Variants in AFF3 observed in about 807,000 individuals in gnomAD.
The protein encoded by AFF3 is AF4/FMR2 family member 3.
AFF3 carries 32 observed loss-of-function variants against 129.7 expected under a neutral mutation model. That is an observed-to-expected ratio of 0.25 (90% CI 0.19 to 0.33). The LOEUF (loss-of-function observed/expected upper bound fraction) is 0.33, where lower values mean the gene tolerates loss of function less well. Among genes scored for constraint, AFF3 ranks in the 10% least tolerant of loss-of-function variants. The pLI, the probability that AFF3 is intolerant of heterozygous loss-of-function variation, is 1.00. For synonymous variants in AFF3, 644 were observed against 635.4 expected, an observed-to-expected ratio of 1.01 and a Z score of -0.20; for missense variants, 1,373 against 1,592.0, an observed-to-expected ratio of 0.86 and a Z score of 2.34.
At chr2:99,609,186 T>C (rs1680672756) in intron 13 of AFF3, among the ~76,000 whole-genome samples, 1 of 152,198 alleles carries the variant, frequency 6.6e-6, no homozygotes, top group Non-Finnish European at 1.5e-5. Context: ...CCATTTTGTA[T>C]TTTTTTCTTT....
chr2:99,944,490 C>T (rs951650232), intron 7 of AFF3, among the ~76,000 whole-genome samples: 1 of 152,180 alleles, frequency 6.6e-6, no homozygotes, highest in African/African-American at 2.4e-5. Flanking sequence ...AGAGGTTGGT[C>T]AATGCTTCCC....
At chr2:100,003,918 T>C (rs1681693820) in intron 7 of AFF3, among the ~76,000 whole-genome samples, 1 of 152,128 alleles carries the variant, frequency 6.6e-6, no homozygotes, top group Non-Finnish European at 1.5e-5. Flanking sequence ...AAAAGCTATG[T>C]GCTGCAGTCT....
intron 7 of AFF3, among the ~76,000 whole-genome samples, chr2:99,865,534 T>C (rs1163965790): frequency 1.5e-4 from 23 of 152,034 alleles, no homozygotes; most frequent in South Asian, 4.1e-4. Flanking sequence ...TGAAATGTAA[T>C]AGAGATAAAT....
At chr2:99,592,376 CA>C (rs1678770711) in intron 15 of AFF3, among the ~76,000 whole-genome samples, 1 of 152,176 alleles carries the variant, frequency 6.6e-6, no homozygotes, top group African/African-American at 2.4e-5. Context: ...ACAGAAGCAA[CA>C]GCTGCTGGTT....
intron 7 of AFF3, among the ~76,000 whole-genome samples, chr2:99,866,720 T>C (rs1450402523): frequency 6.6e-6 from 1 of 152,092 alleles, no homozygotes; most frequent in African/African-American, 2.4e-5. Flanking sequence ...CTCACGCTTG[T>C]AATTCCAGCA....
chr2:99,897,589 G>A (rs1275697591), intron 7 of AFF3, among the ~76,000 whole-genome samples: 3 of 152,188 alleles, frequency 2.0e-5, no homozygotes, highest in South Asian at 2.1e-4. Flanking sequence ...TTCAAAACCC[G>A]GCTTCTTATC....
intron 7 of AFF3, among the ~76,000 whole-genome samples, chr2:99,943,806 G>A (rs1269909266): frequency 6.6e-6 from 1 of 152,176 alleles, no homozygotes; most frequent in East Asian, 1.9e-4. Context: ...GATGAGTTTA[G>A]TGGAGTCTCC....
At chr2:99,657,882 G>T (rs1227573536) in intron 12 of AFF3, among the ~76,000 whole-genome samples, 1 of 152,236 alleles carries the variant, frequency 6.6e-6, no homozygotes, top group Non-Finnish European at 1.5e-5. Context: ...AGAGTGATCT[G>T]GGGGCCTTAC....
chr2:99,760,668 T>C (rs532962419), intron 8 of AFF3, among the ~76,000 whole-genome samples: 3 of 152,280 alleles, frequency 2.0e-5, no homozygotes, highest in South Asian at 2.1e-4. Flanking sequence ...TTTGCCTCTA[T>C]TGACCTACTT....
chr2:99,707,763 C>T, intron 11 of AFF3: 13 of 549,712 alleles, frequency 2.4e-5, no homozygotes, highest in Non-Finnish European at 3.0e-5. Flanking sequence ...CAGACTTTTT[C>T]CATCCTATGA....
intron 18 of AFF3, among the ~76,000 whole-genome samples, chr2:99,578,021 C>T (rs1677159406): frequency 6.6e-6 from 1 of 152,126 alleles, no homozygotes; most frequent in South Asian, 2.1e-4. Flanking sequence ...GCCAACAGCC[C>T]AAGTACAAGT....
At chr2:100,042,700 G>A (rs1685536864) in intron 4 of AFF3, among the ~76,000 whole-genome samples, 1 of 152,184 alleles carries the variant, frequency 6.6e-6, no homozygotes, top group Non-Finnish European at 1.5e-5. Context: ...GTCAAGACAT[G>A]TCATATGGAA....
chr2:99,747,086 C>T (rs1170371945), intron 9 of AFF3, among the ~76,000 whole-genome samples: 5 of 151,776 alleles, frequency 3.3e-5, no homozygotes, highest in South Asian at 2.1e-4. Context: ...TGGAGTGCAA[C>T]GGCACGATCT....
In AFF3 at chr2:99,983,374, G is replaced by GT. The variant is rs200417752; in HGVS notation, c.873+23257dup. Among the ~76,000 whole-genome samples, 1,011 of 150,812 alleles carry GT rather than the reference G, an allele frequency of 6.7e-3. 9 individuals are homozygous for GT. Among genetic ancestry groups the GT allele is most frequent in the African/African-American group, 0.024 (967 of 41,112 alleles). ...CCCAATAGATCTTGATCCTATCTCT[G>GT]TTTTTTTTTGTTAATCCAAGATGAT... On this transcript the variant is annotated intron_variant, in intron 7 of 24. Coordinates refer to ENST00000672756, the MANE Select transcript of AFF3 (RefSeq NM_001386135.1).
At chr2:99,982,345 T>C (rs981410223) in intron 7 of AFF3, among the ~76,000 whole-genome samples, 1 of 152,194 alleles carries the variant, frequency 6.6e-6, no homozygotes, top group Non-Finnish European at 1.5e-5. Flanking sequence ...AGCTCTCTCT[T>C]TGCCTGCTGC....
intron 13 of AFF3, among the ~76,000 whole-genome samples, chr2:99,629,506 G>C (rs959070380): frequency 3.9e-5 from 6 of 152,194 alleles, no homozygotes; most frequent in Admixed American, 3.9e-4. Flanking sequence ...AAAGCAATCA[G>C]AGATGATGCA....
intron 11 of AFF3, chr2:99,707,494 A>C (rs78381176): frequency 2.0e-6 from 2 of 985,300 alleles, no homozygotes; most frequent in East Asian, 2.3e-4. Flanking sequence ...CGAAGTTTCA[A>C]ACGCGTCTTA....
intron 4 of AFF3, among the ~76,000 whole-genome samples, chr2:100,079,987 T>A (rs1234656511): frequency 1.3e-5 from 2 of 152,230 alleles, no homozygotes; most frequent in Non-Finnish European, 2.9e-5. Flanking sequence ...CTTGTCACTA[T>A]CACTTCAGCA....
chr2:99,652,023 G>A (rs543785673), intron 12 of AFF3, among the ~76,000 whole-genome samples: 1 of 152,264 alleles, frequency 6.6e-6, no homozygotes, highest in South Asian at 2.1e-4. Flanking sequence ...ATTAAGGCAG[G>A]GCAGTGTCAG....
Sources: gnomAD v4.1 joint callset for allele counts (sites outside exome capture counted in the v4.1 genomes callset) on GRCh38, gnomAD v4.1.1 for gene constraint, MANE v1.5 for transcripts, NCBI Gene and HGNC (gene_info 2026-07-23, HGNC 2026-07-21) for gene names.